Variants in GHRH observed in about 807,000 individuals in gnomAD.
GHRH encodes the protein somatoliberin.
A neutral mutation model predicts 15.6 loss-of-function variants in GHRH; 7 were observed. That is an observed-to-expected ratio of 0.45 (90% CI 0.26 to 0.84). GHRH has a LOEUF of 0.84. GHRH is among the 40% of genes least tolerant of loss of function. The pLI, the probability that GHRH is intolerant of heterozygous loss-of-function variation, is 0.18. For missense variants in GHRH, 117 were observed against 138.0 expected, an observed-to-expected ratio of 0.85 and a Z score of 0.76; for synonymous variants, 54 against 50.4, an observed-to-expected ratio of 1.07 and a Z score of -0.30.
At chr20:37,256,299 A>C in intron 3 of GHRH, 95 bp downstream of exon 3, 15 of 684,788 alleles carry the variant, frequency 2.2e-5, no homozygotes, top group South Asian at 3.9e-5. Flanking sequence ...GTGCCAAGGA[A>C]GAGATCTGAA....
Position 37,256,828 on chromosome 20 carries a change from G to A in GHRH, c.62C>T (p.Pro21Leu). The change falls in exon 2 of 5, where the codon CCA becomes CTA. Residue 21 changes from proline to leucine, a missense_variant. Transcript: ENST00000373614. ...LTLSNSSHCS[P>L]PPPLTLRMRR... The stretch of plus-strand genomic sequence containing the variant: ...TTACCTGAGGGTCAAAGGGGGAGGT[G>A]GGGAGCAGTGGGAGCTGTTGCTGAG... 19 of 1,612,824 alleles carry A rather than the reference G, an allele frequency of 1.2e-5. No individual in the cohort carries two copies. Among genetic ancestry groups the A allele is most frequent in the Non-Finnish European group, 1.6e-5 (19 of 1,179,446 alleles).
intron 1 of GHRH, among the ~76,000 whole-genome samples, chr20:37,260,753 T>C (rs1000132207): frequency 3.3e-5 from 5 of 152,230 alleles, no homozygotes; most frequent in African/African-American, 1.2e-4. Flanking sequence ...GTTAGCTTCC[T>C]GCAGTGCTTA....
intron 3 of GHRH, among the ~76,000 whole-genome samples, chr20:37,254,887 A>C (rs527694664): frequency 3.9e-5 from 6 of 152,236 alleles, no homozygotes; most frequent in Non-Finnish European, 7.3e-5. Context: ...GGACATGACA[A>C]CTAAATGGTA....
chr20:37,254,429 C>T (rs2068644013), intron 3 of GHRH, 100 bp from the exon 4 acceptor site: 1 of 1,213,902 alleles, frequency 8.2e-7, no homozygotes, highest in African/African-American at 1.5e-5. Context: ...GTGGACTCTT[C>T]TACCCAACTG....
chr20:37,256,668 C>T, intron 2 of GHRH, 139 bp downstream of exon 2: 1 of 767,520 alleles, frequency 1.3e-6, no homozygotes. Context: ...TGTCTGCCTC[C>T]TCTGCAAGGA....
At chr20:37,260,839 C>G (rs951148308) in intron 1 of GHRH, among the ~76,000 whole-genome samples, 1 of 152,182 alleles carries the variant, frequency 6.6e-6, no homozygotes, top group African/African-American at 2.4e-5. Flanking sequence ...TCCGTTGGCA[C>G]CTTTTGCCAG....
intron 1 of GHRH, among the ~76,000 whole-genome samples, chr20:37,261,504 C>T (rs2068687067): frequency 6.6e-6 from 1 of 152,222 alleles, no homozygotes; most frequent in Non-Finnish European, 1.5e-5. Flanking sequence ...CGACAGACAC[C>T]TGGAGCCAGT....
rs1327978749 is a variant in GHRH at position 37,258,266 on chromosome 20, G to A, written c.-19-1358C>T. On this transcript the variant is annotated intron_variant, in intron 1 of 4. Transcript: ENST00000373614. The surrounding 1 kb of genome is among the most constrained non-coding windows in gnomAD (Gnocchi z 4.1). ...GGGTTTCTCCCTCTCTCAGCAGGATGTCTACTCCATGGGGGTGTAGATCCA... is the reference window on the plus strand; with the variant it reads ...GGGTTTCTCCCTCTCTCAGCAGGATATCTACTCCATGGGGGTGTAGATCCA... 6.6e-6 allele frequency among the ~76,000 whole-genome samples: 1 copy of A among 152,154 alleles called. No individual in the cohort carries two copies. Among genetic ancestry groups the A allele is most frequent in the East Asian group, 1.9e-4 (1 of 5,194 alleles).
chr20:37,256,734 T>C lies in GHRH; in HGVS notation c.83+73A>G. ...CAGGGCCCAGCTGATGGGCTGAGTCTGCATTCACTAACGCCTGCCCCATGG... is the reference window on the plus strand; with the variant it reads ...CAGGGCCCAGCTGATGGGCTGAGTCCGCATTCACTAACGCCTGCCCCATGG... On this transcript the variant is annotated intron_variant, in intron 2 of 4. Coordinates refer to ENST00000373614, the MANE Select transcript of GHRH (RefSeq NM_021081.6). 2.5e-6 allele frequency: 3 copies of C among 1,209,492 alleles called. No individual in the cohort carries two copies. In the South Asian group the frequency reaches 3.9e-5, roughly 16 times the overall value. The allele number at this position is 1,209,492 out of a possible 1,614,324, so 74.9% of individuals were successfully genotyped here.
chr20:37,252,767 G>A (rs1044415652), intron 4 of GHRH, among the ~76,000 whole-genome samples: 1 of 152,098 alleles, frequency 6.6e-6, no homozygotes, highest in African/African-American at 2.4e-5. Flanking sequence ...AGCCGGGCGT[G>A]GTGGCGGGTG....
At chr20:37,256,694 G>A in intron 2 of GHRH, 113 bp downstream of exon 2, 1 of 870,622 alleles carries the variant, frequency 1.1e-6, no homozygotes, top group Non-Finnish European at 1.8e-6. Context: ...AGTGGGTGCT[G>A]CCTGGAGACA....
chr20:37,256,820 G>A lies in GHRH; in HGVS notation c.70C>T (p.Pro24Ser). The A allele has an allele frequency of 6.2e-7, 1 of 1,612,634 alleles. No homozygotes were observed. The highest frequency in any genetic ancestry group is 1.3e-5 in the African/African-American group (1 of 75,032). The change falls in exon 2 of 5, where the codon CCT becomes TCT. Residue 24 changes from proline (P) to serine (S), a missense_variant. By Grantham distance (74) the Pro-to-Ser change is moderately conservative. Coordinates refer to ENST00000373614, the MANE Select transcript of GHRH (RefSeq NM_021081.6). The stretch of plus-strand genomic sequence containing the variant: ...GGGTCTGCTTACCTGAGGGTCAAAG[G>A]GGGAGGTGGGGAGCAGTGGGAGCTG... Reference protein sequence around the residue: ...SNSSHCSPPPPLTLRMRRYAD... With the variant: ...SNSSHCSPPPSLTLRMRRYAD...
intron 4 of GHRH, among the ~76,000 whole-genome samples, chr20:37,253,628 G>A (rs911497845): frequency 2.0e-5 from 3 of 152,084 alleles, no homozygotes; most frequent in Non-Finnish European, 2.9e-5. Context: ...TGATTGAGAC[G>A]GGATCTCACT....
At chr20:37,251,367 G>T in intron 4 of GHRH, 136 bp from the exon 5 acceptor site, 1 of 643,958 alleles carries the variant, frequency 1.6e-6, no homozygotes, top group Non-Finnish European at 2.6e-6. Flanking sequence ...AGTGTGGGGT[G>T]GAGGGAAGGA....
chr20:37,255,412 G>A (rs6032427), intron 3 of GHRH, among the ~76,000 whole-genome samples: 6 of 152,048 alleles, frequency 3.9e-5, no homozygotes, highest in African/African-American at 7.2e-5. Context: ...TGTAATCCCA[G>A]CACTTTGGGA....
intron 4 of GHRH, among the ~76,000 whole-genome samples, chr20:37,253,791 C>T (rs1485300232): frequency 6.6e-6 from 1 of 152,180 alleles, no homozygotes; most frequent in Non-Finnish European, 1.5e-5. Flanking sequence ...TGCTCTGTCA[C>T]CCAGGCTGGA....
At chr20:37,259,451 T>C (rs945063156) in intron 1 of GHRH, among the ~76,000 whole-genome samples, 2 of 152,188 alleles carry the variant, frequency 1.3e-5, no homozygotes, top group Non-Finnish European at 2.9e-5. Context: ...GCCTTTTCTG[T>C]CTCCCAGCTG....
At chr20:37,256,237 G>A (rs1336433980) in intron 3 of GHRH, among the ~76,000 whole-genome samples, 157 bp downstream of exon 3, 2 of 152,152 alleles carry the variant, frequency 1.3e-5, no homozygotes. Context: ...GGTAAGTTGA[G>A]GTTTAACGCT....
chr20:37,252,212 G>A (rs1317377770), intron 4 of GHRH, among the ~76,000 whole-genome samples: 1 of 152,220 alleles, frequency 6.6e-6, no homozygotes, highest in African/African-American at 2.4e-5. Context: ...GAAGTGTGTT[G>A]CTGTGCCGCT....
Sources: allele counts gnomAD v4.1 joint callset (sites outside exome capture counted in the v4.1 genomes callset), GRCh38; gene constraint gnomAD v4.1.1; non-coding constraint Gnocchi (gnomAD v3.1); transcripts MANE v1.5; gene names NCBI Gene and HGNC (gene_info 2026-07-23, HGNC 2026-07-21).